Variants in DOK6 observed in about 807,000 individuals in gnomAD.
The protein encoded by DOK6 is downstream of tyrosine kinase 6.
A neutral mutation model predicts 44.0 loss-of-function variants in DOK6; 22 were observed. That is an observed-to-expected ratio of 0.50 (90% CI 0.36 to 0.71). The LOEUF (loss-of-function observed/expected upper bound fraction) is 0.71. Ranked by LOEUF, DOK6 falls within the 30% of genes least tolerant of loss-of-function variation. DOK6 has a pLI of 0.00. For synonymous variants in DOK6, 166 were observed against 145.5 expected, an observed-to-expected ratio of 1.14 and a Z score of -1.01; for missense variants, 340 against 416.4, an observed-to-expected ratio of 0.82 and a Z score of 1.60.
intron 5 of DOK6, among the ~76,000 whole-genome samples, chr18:69,718,580 C>T (rs1370817632): frequency 1.3e-5 from 2 of 151,978 alleles, no homozygotes; most frequent in Non-Finnish European, 2.9e-5. Flanking sequence ...TTATGAGGCC[C>T]CTATTTAGCT....
At chr18:69,700,216 C>CATATATATATATATATATATATATAT (rs61078235) in intron 5 of DOK6, among the ~76,000 whole-genome samples, 1,391 of 124,316 alleles carry the variant, frequency 0.011, 53 homozygotes, top group African/African-American at 0.025. Context: ...CATATATATA[C>CATATATATATATATATATATATATAT]ATATATATAT....
intron 3 of DOK6, among the ~76,000 whole-genome samples, chr18:69,655,683 G>A (rs1298788692): frequency 3.3e-5 from 5 of 149,924 alleles, no homozygotes; most frequent in African/African-American, 1.2e-4. Context: ...AACCCGGGAG[G>A]TGGAGGTGGC....
At chr18:69,460,421 A>G (rs6566424) in intron 1 of DOK6, among the ~76,000 whole-genome samples, 13,663 of 152,196 alleles carry the variant, frequency 0.09, 1,571 homozygotes, top group East Asian at 0.32. Flanking sequence ...TAAAATATAC[A>G]TATATTGAGG....
chr18:69,555,271 C>T (rs918248579), intron 1 of DOK6, among the ~76,000 whole-genome samples: 1 of 152,108 alleles, frequency 6.6e-6, no homozygotes, highest in African/African-American at 2.4e-5. Flanking sequence ...CCACCAGATT[C>T]CTAAGACTGA....
intron 1 of DOK6, among the ~76,000 whole-genome samples, chr18:69,415,283 T>A (rs1376988878): frequency 1.3e-5 from 2 of 152,258 alleles, no homozygotes; most frequent in Middle Eastern, 3.4e-3. Context: ...ACTTCCTTCC[T>A]GTATGGAAAA....
chr18:69,632,125 G>T (rs1984703646), intron 3 of DOK6, among the ~76,000 whole-genome samples: 1 of 152,086 alleles, frequency 6.6e-6, no homozygotes, highest in Admixed American at 6.6e-5. Flanking sequence ...TTCCCTTGAT[G>T]ACCATGCAAA....
At chr18:69,752,725 C>A (rs1028657765) in intron 6 of DOK6, among the ~76,000 whole-genome samples, 14 of 152,124 alleles carry the variant, frequency 9.2e-5, no homozygotes, top group Non-Finnish European at 1.6e-4. Context: ...TGGCAGAAAA[C>A]ACAAAAAACT....
At chr18:69,433,556 A>G (rs1978865046) in intron 1 of DOK6, among the ~76,000 whole-genome samples, 1 of 152,202 alleles carries the variant, frequency 6.6e-6, no homozygotes, top group Non-Finnish European at 1.5e-5. Context: ...CTCATGCTCT[A>G]CTTGAAAATG....
At chr18:69,461,947 A>G (rs1041708165) in intron 1 of DOK6, among the ~76,000 whole-genome samples, 6 of 152,188 alleles carry the variant, frequency 3.9e-5, no homozygotes, top group African/African-American at 1.2e-4. Context: ...GTTGTCGCCT[A>G]TAGGATCTTT....
intron 1 of DOK6, among the ~76,000 whole-genome samples, chr18:69,521,433 T>C (rs767631231): frequency 1.5e-5 from 2 of 137,258 alleles, no homozygotes; most frequent in Non-Finnish European, 3.2e-5. Context: ...ATGCCTTAAA[T>C]TTTACAGTCA....
At chr18:69,735,042 C>G (rs1188430566) in intron 5 of DOK6, among the ~76,000 whole-genome samples, 1 of 152,194 alleles carries the variant, frequency 6.6e-6, no homozygotes, top group Non-Finnish European at 1.5e-5. Flanking sequence ...ACTAAGAGAA[C>G]CATGAATAGT....
intron 1 of DOK6, among the ~76,000 whole-genome samples, chr18:69,460,744 G>A (rs1004915242): frequency 1.2e-4 from 18 of 152,230 alleles, no homozygotes; most frequent in South Asian, 2.1e-4. Context: ...TCATAAAGAC[G>A]TGTTAAAATA....
At chr18:69,750,065 T>C (rs1443626179) in intron 6 of DOK6, among the ~76,000 whole-genome samples, 2 of 147,676 alleles carry the variant, frequency 1.4e-5, no homozygotes, top group African/African-American at 4.9e-5. Flanking sequence ...ATATTATATA[T>C]ATATAATATA....
chr18:69,443,055 A>G lies in DOK6; in HGVS notation c.66+41745A>G, dbSNP rs763286920. Among the ~76,000 whole-genome samples the G allele has an allele frequency of 1.3e-5, 2 of 152,174 alleles. 1 individual carries two copies. The highest frequency in any genetic ancestry group is 2.9e-5 in the Non-Finnish European group (2 of 68,018). On this transcript the variant is annotated intron_variant, in intron 1 of 7. Transcript: ENST00000382713. The stretch of plus-strand genomic sequence containing the variant: ...GATCACTCATTTTTTTTCATTTGGT[A>G]TACCAAAGATACGAATACGCCTGTT...
At position 69,842,688 on chromosome 18, in the gene DOK6, A is replaced by G. The variant is rs1303780664; in HGVS notation, c.*1305A>G. On this transcript the variant is annotated 3_prime_UTR_variant, in exon 8 of 8. Coordinates refer to ENST00000382713, the MANE Select transcript of DOK6 (RefSeq NM_152721.6). ...ACTGATTACAAACCTACAGTGTTTA[A>G]AGGGAGGTAGTGAATTCCACGGAAA... 1 of 152,230 alleles carries G rather than the reference A, an allele frequency of 6.6e-6. No homozygotes were observed. Among genetic ancestry groups the G allele is most frequent in the African/African-American group, 2.4e-5 (1 of 41,458 alleles). The allele number at this position is 152,230 out of a possible 1,614,324, so 9.4% of individuals were successfully genotyped here. A position where few individuals can be genotyped will look rare whatever the true frequency, so the allele number is the denominator to read the frequency against.
rs909737627 is a variant in DOK6 at position 69,844,732 on chromosome 18, T to C, written c.*3349T>C. On this transcript the variant is annotated 3_prime_UTR_variant, in exon 8 of 8. Transcript: ENST00000382713. ...CAATAAAATAAGAAATATATATTTA[T>C]ATATGAGGGAAGATGCTGTTTGATA... 5 of 152,174 alleles carry C rather than the reference T, an allele frequency of 3.3e-5. No individual in the cohort carries two copies. The highest frequency in any genetic ancestry group is 7.2e-5 in the African/African-American group (3 of 41,442). The allele number at this position is 152,174 out of a possible 1,614,324, so 9.4% of individuals were successfully genotyped here. A position where few individuals can be genotyped will look rare whatever the true frequency, so the allele number is the denominator to read the frequency against.
intron 4 of DOK6, among the ~76,000 whole-genome samples, chr18:69,691,310 T>C (rs1599265540): frequency 6.6e-6 from 1 of 152,028 alleles, no homozygotes; most frequent in South Asian, 2.1e-4. Flanking sequence ...AACCAAGAAG[T>C]GTTAAGAGAG....
intron 6 of DOK6, among the ~76,000 whole-genome samples, chr18:69,741,517 AGACAGGGTCTCGCTCTGTC>A: frequency 1.3e-5 from 2 of 152,218 alleles, no homozygotes; most frequent in Non-Finnish European, 1.5e-5. Context: ...TTGTTTTTTG[AGACAGGGTCTCGCTCTGTC>A]ACCCGGGCCA....
At chr18:69,800,006 G>T (rs890294006) in intron 7 of DOK6, among the ~76,000 whole-genome samples, 3 of 151,980 alleles carry the variant, frequency 2.0e-5, no homozygotes, top group African/African-American at 7.2e-5. Flanking sequence ...ATTGAAATCA[G>T]CAGGAAAGAA....
Sources: allele counts gnomAD v4.1 joint callset (sites outside exome capture counted in the v4.1 genomes callset), GRCh38; gene constraint gnomAD v4.1.1; transcripts MANE v1.5; gene names NCBI Gene and HGNC (gene_info 2026-07-23, HGNC 2026-07-21).